The following GRIK1 variants were observed in gnomAD, a reference collection of about 807,000 sequenced individuals.
The protein encoded by GRIK1 is glutamate receptor ionotropic, kainate 1.
GRIK1 carries 69 observed loss-of-function variants against 105.7 expected under a neutral mutation model. The ratio of observed to expected loss-of-function variants is 0.65; its 90% CI spans 0.54 to 0.80. The LOEUF (loss-of-function observed/expected upper bound fraction) is 0.80, where lower values mean the gene tolerates loss of function less well. Ranked by LOEUF, GRIK1 falls within the 30% of genes least tolerant of loss-of-function variation. The pLI is 0.00. For missense variants in GRIK1, 1,109 were observed against 1,167.3 expected (o/e 0.95, Z 0.73); for synonymous variants, 438 against 431.3 (o/e 1.02, Z -0.19).
At chr21:29,760,285 G>C (rs1056224873) in intron 1 of GRIK1, 1 of 152,364 alleles carries the variant, frequency 6.6e-6, no homozygotes, top group East Asian at 1.9e-4. Context: ...TATATGCGCT[G>C]GGCTGGGAAA....
chr21:29,891,895 G>T (rs543710804), intron 1 of GRIK1, among the ~76,000 whole-genome samples: 4 of 152,166 alleles, frequency 2.6e-5, no homozygotes, highest in Non-Finnish European at 5.9e-5. Flanking sequence ...CACACAAAGA[G>T]ATTGTTAATT....
In GRIK1 at chr21:29,587,964, C is replaced by CTTTTTTTTTTTTTTTTTTTTTT. The variant is rs568648777; in HGVS notation, c.1570-397_1570-376dup. Among the ~76,000 whole-genome samples the CTTTTTTTTTTTTTTTTTTTTTT allele has an allele frequency of 2.1e-4, 14 of 65,410 alleles. 3 individuals are homozygous for CTTTTTTTTTTTTTTTTTTTTTT. The highest frequency in any genetic ancestry group is 3.9e-4 in the African/African-American group (6 of 15,204). 42.9% of individuals were successfully genotyped at this position (65,410 alleles called of 152,430 possible). The stretch of plus-strand genomic sequence containing the variant: ...GCTCTGAGCTGAAAACTTTAAAATT[C>CTTTTTTTTTTTTTTTTTTTTTT]TTTTTTTTTTTTTTTTTTTTTTTTT... On this transcript the variant is annotated intron_variant, in intron 11 of 17. Coordinates refer to ENST00000327783, the MANE Select transcript of GRIK1 (RefSeq NM_001330994.2).
chr21:29,651,637 T>C (rs2062738963), intron 5 of GRIK1, among the ~76,000 whole-genome samples: 1 of 152,146 alleles, frequency 6.6e-6, no homozygotes, highest in African/African-American at 2.4e-5. Flanking sequence ...GTCTCAGTTA[T>C]GAGGTAGAGT....
chr21:29,728,957 C>T (rs887751381), intron 1 of GRIK1, among the ~76,000 whole-genome samples: 3 of 152,072 alleles, frequency 2.0e-5, no homozygotes, highest in Non-Finnish European at 4.4e-5. Context: ...AAAGAAGAGG[C>T]GATACCATAT....
intron 1 of GRIK1, among the ~76,000 whole-genome samples, chr21:29,871,126 A>G (rs549890007): frequency 6.6e-6 from 1 of 152,272 alleles, no homozygotes; most frequent in East Asian, 1.9e-4. Flanking sequence ...GGCTGGCCCC[A>G]CATGTCCACC....
intron 14 of GRIK1, among the ~76,000 whole-genome samples, chr21:29,566,579 A>G (rs1431049452): frequency 6.6e-6 from 1 of 152,190 alleles, no homozygotes; most frequent in Non-Finnish European, 1.5e-5. Flanking sequence ...TTCCCCCTAT[A>G]ATACATTCAA....
chr21:29,621,408 G>C (rs1415949916), intron 7 of GRIK1, among the ~76,000 whole-genome samples: 1 of 151,954 alleles, frequency 6.6e-6, no homozygotes, highest in African/African-American at 2.4e-5. Flanking sequence ...GTGTGTGTGT[G>C]TGTGGGGAAG....
At chr21:29,626,467 A>C (rs1379512700) in intron 7 of GRIK1, among the ~76,000 whole-genome samples, 3 of 152,198 alleles carry the variant, frequency 2.0e-5, no homozygotes, top group Non-Finnish European at 4.4e-5. Flanking sequence ...CCAGAGATGA[A>C]CACATGAAGA....
intron 14 of GRIK1, among the ~76,000 whole-genome samples, chr21:29,574,507 C>G (rs1035997036): frequency 6.6e-5 from 10 of 152,132 alleles, no homozygotes; most frequent in African/African-American, 2.2e-4. Flanking sequence ...TTGTTTCTGA[C>G]AAGGACCATG....
intron 1 of GRIK1, among the ~76,000 whole-genome samples, chr21:29,793,038 G>A (rs1601711337): frequency 6.6e-6 from 1 of 152,134 alleles, no homozygotes; most frequent in South Asian, 2.1e-4. Context: ...TTGCACGTGA[G>A]CAAATCTGAT....
At chr21:29,558,855 T>A (rs2090322108) in intron 15 of GRIK1, among the ~76,000 whole-genome samples, 1 of 152,158 alleles carries the variant, frequency 6.6e-6, no homozygotes, top group South Asian at 2.1e-4. Flanking sequence ...CATTGTTCCC[T>A]CCTACCTCCA....
chr21:29,776,110 C>G (rs974419774), intron 1 of GRIK1, among the ~76,000 whole-genome samples: 32 of 152,288 alleles, frequency 2.1e-4, no homozygotes, highest in Non-Finnish European at 2.4e-4. Flanking sequence ...TGAGAACTCT[C>G]TCACTGTCAT....
chr21:29,801,209 A>G (rs1007393907), intron 1 of GRIK1, among the ~76,000 whole-genome samples: 1 of 151,840 alleles, frequency 6.6e-6, no homozygotes, highest in Non-Finnish European at 1.5e-5. Flanking sequence ...CCATACACGC[A>G]GGCTATTTTT....
At chr21:29,638,947 A>G (rs2062453549) in intron 7 of GRIK1, among the ~76,000 whole-genome samples, 1 of 152,194 alleles carries the variant, frequency 6.6e-6, no homozygotes, top group Non-Finnish European at 1.5e-5. Flanking sequence ...GAACTGAGAA[A>G]CAAGCTAAAT....
intron 1 of GRIK1, among the ~76,000 whole-genome samples, chr21:29,918,663 A>G (rs1324597549): frequency 2.0e-5 from 3 of 152,136 alleles, no homozygotes; most frequent in Non-Finnish European, 4.4e-5. Flanking sequence ...TGCTCTGGTA[A>G]CTAACAGAAA....
rs1569103578 is a variant in GRIK1, at chr21:29,796,339, TA to T, written c.119-102277del. Among the ~76,000 whole-genome samples the T allele has an allele frequency of 2.0e-5, 3 of 152,264 alleles. 1 individual carries two copies. Among genetic ancestry groups the T allele is most frequent in the African/African-American group, 7.2e-5 (3 of 41,558 alleles). ...TCCATTTAATGAATGGAGACCAAAGTAAAATTTGGAGAAAGACCTAAACTGC... is the reference window on the plus strand; with the variant it reads ...TCCATTTAATGAATGGAGACCAAAGTAAATTTGGAGAAAGACCTAAACTGC... On this transcript the variant is annotated intron_variant, in intron 1 of 17. Coordinates refer to ENST00000327783, the MANE Select transcript of GRIK1 (RefSeq NM_001330994.2).
At position 29,561,613 on chromosome 21, in the gene GRIK1, A is replaced by C; in HGVS notation, c.2356+11T>G. On this transcript the variant is annotated intron_variant, in intron 15 of 17. Coordinates refer to ENST00000327783, the MANE Select transcript of GRIK1 (RefSeq NM_001330994.2). ...TGTATCTCAGTCTTGGTTCATGTCT[A>C]CCCGTCTTACCAATAGGTGTTCCCA... 6.5e-7 allele frequency: 1 copy of C among 1,538,848 alleles called. No homozygotes were observed. Among genetic ancestry groups the C allele is most frequent in the Non-Finnish European group, 9.0e-7 (1 of 1,111,506 alleles).
Position 29,939,524 on chromosome 21 carries a change from C to A in GRIK1, c.-24G>T. On this transcript the variant is annotated 5_prime_UTR_variant, in exon 1 of 18. Coordinates refer to ENST00000327783, the MANE Select transcript of GRIK1 (RefSeq NM_001330994.2). ...ATCTTCCTAGCTTCTTAATTCATGC[C>A]GAGATACAGCCGCTGCCGGACGCCC... 6.9e-7 allele frequency: 1 copy of A among 1,449,644 alleles called. No individual in the cohort carries two copies. The highest frequency in any genetic ancestry group is 9.4e-7 in the Non-Finnish European group (1 of 1,062,696). 89.8% of individuals were successfully genotyped at this position (1,449,644 alleles called of 1,614,324 possible).
chr21:29,747,446 G>A (rs2065073520), intron 1 of GRIK1, among the ~76,000 whole-genome samples: 1 of 152,172 alleles, frequency 6.6e-6, no homozygotes, highest in Admixed American at 6.5e-5. Context: ...TTCCTGCAGG[G>A]GTTAAGGTAA....
Sources: gnomAD v4.1 joint callset for allele counts (sites outside exome capture counted in the v4.1 genomes callset) on GRCh38, gnomAD v4.1.1 for gene constraint, MANE v1.5 for transcripts, NCBI Gene and HGNC (gene_info 2026-07-23, HGNC 2026-07-21) for gene names.